The following PLEKHM3 variants were observed in gnomAD, a reference collection of about 807,000 sequenced individuals.
PLEKHM3 encodes pleckstrin homology domain containing M3, also known as pleckstrin homology domain-containing family M member 3.
PLEKHM3 carries 45 observed loss-of-function variants against 81.8 expected under a neutral mutation model. That is an observed-to-expected ratio of 0.55 (90% confidence interval 0.43 to 0.71). The LOEUF (loss-of-function observed/expected upper bound fraction) is 0.71, where lower values mean the gene tolerates loss of function less well. Among genes scored for constraint, PLEKHM3 ranks in the 30% least tolerant of loss-of-function variants. PLEKHM3 has a pLI of 0.00. For synonymous variants in PLEKHM3, 352 were observed against 356.4 expected (o/e 0.99, Z 0.14); for missense variants, 788 against 924.3 (o/e 0.85, Z 1.91).
intron 4 of PLEKHM3, among the ~76,000 whole-genome samples, chr2:207,935,172 G>A (rs890903394): frequency 1.3e-5 from 2 of 152,126 alleles, no homozygotes; most frequent in Non-Finnish European, 2.9e-5. Flanking sequence ...AAAAAAAGAC[G>A]TTTTAAGGTC....
intron 7 of PLEKHM3, among the ~76,000 whole-genome samples, chr2:207,841,322 G>A (rs1028284281): frequency 6.6e-5 from 10 of 150,402 alleles, no homozygotes; most frequent in Non-Finnish European, 1.2e-4. Context: ...AAAATCAGCC[G>A]GGCTTGGTGA....
intron 5 of PLEKHM3, among the ~76,000 whole-genome samples, chr2:207,922,020 A>C (rs1689198847): frequency 6.6e-6 from 1 of 152,350 alleles, no homozygotes; most frequent in East Asian, 1.9e-4. Context: ...TTGCTGGATC[A>C]TATGGTAGCT....
At chr2:207,860,149 C>CTGTGTGTGTGTGTG (rs1491556619) in intron 7 of PLEKHM3, among the ~76,000 whole-genome samples, 28 of 63,822 alleles carry the variant, frequency 4.4e-4, no homozygotes, top group East Asian at 2.2e-3. Context: ...TGAACTCTGC[C>CTGTGTGTGTGTGTG]TCTGTGTGTG....
At chr2:207,984,798 T>C (rs1691661559) in intron 2 of PLEKHM3, among the ~76,000 whole-genome samples, 1 of 152,214 alleles carries the variant, frequency 6.6e-6, no homozygotes, top group Non-Finnish European at 1.5e-5. Context: ...TTTCATGCCA[T>C]GTATTTCTTG....
At chr2:207,893,837 C>T (rs530083890) in intron 6 of PLEKHM3, among the ~76,000 whole-genome samples, 1 of 152,114 alleles carries the variant, frequency 6.6e-6, no homozygotes, top group Non-Finnish European at 1.5e-5. Flanking sequence ...AAAGCAAGGC[C>T]AGGTGCAGTG....
intron 5 of PLEKHM3, among the ~76,000 whole-genome samples, chr2:207,911,812 T>C (rs373271109): frequency 2.0e-5 from 3 of 152,152 alleles, no homozygotes; most frequent in African/African-American, 4.8e-5. Context: ...TGTAGAAACA[T>C]AGGTCAGCTG....
chr2:207,853,053 C>T (rs1441402033), intron 7 of PLEKHM3, among the ~76,000 whole-genome samples: 1 of 152,132 alleles, frequency 6.6e-6, no homozygotes, highest in African/African-American at 2.4e-5. Flanking sequence ...CCCTAATAAA[C>T]TCAACTATTT....
At position 207,931,089 on chromosome 2, in the gene PLEKHM3, A is replaced by T; in HGVS notation, c.1723T>A (p.Tyr575Asn). Residue 575 changes from tyrosine to asparagine, a missense_variant, in exon 5 of 8, where the codon TAC becomes AAC. Physicochemically the swap from Tyr to Asn is moderately radical, Grantham distance 143 (BLOSUM62 -2). Transcript: ENST00000427836. ...VSKQAKEFLE[Y>N]VYEEPLIDIQ... ...TCGATGAGCGGCTCTTCGTACACGTACTCCAGAAACTCCTTGGCCTGCTTC... is the reference window on the plus strand; with the variant it reads ...TCGATGAGCGGCTCTTCGTACACGTTCTCCAGAAACTCCTTGGCCTGCTTC... 1 of 1,613,220 alleles carries T rather than the reference A, an allele frequency of 6.2e-7. No individual in the cohort carries two copies. The highest frequency in any genetic ancestry group is 8.5e-7 in the Non-Finnish European group (1 of 1,179,460).
At chr2:207,880,711 C>T (rs1427841193) in intron 6 of PLEKHM3, among the ~76,000 whole-genome samples, 8 of 118,314 alleles carry the variant, frequency 6.8e-5, no homozygotes, top group East Asian at 2.8e-4. Context: ...TGCAGTGAGC[C>T]GAGATCGTGC....
At chr2:207,910,032 C>G (rs1336503623) in intron 5 of PLEKHM3, among the ~76,000 whole-genome samples, 1 of 152,136 alleles carries the variant, frequency 6.6e-6, no homozygotes, top group African/African-American at 2.4e-5. Context: ...AGGACCTCTC[C>G]CGGAAAGTAG....
intron 3 of PLEKHM3, among the ~76,000 whole-genome samples, chr2:207,957,634 G>A (rs996264059): frequency 6.6e-6 from 1 of 152,126 alleles, no homozygotes; most frequent in Non-Finnish European, 1.5e-5. Context: ...GGAGACGGAG[G>A]TTGCAGTGAG....
intron 3 of PLEKHM3, among the ~76,000 whole-genome samples, chr2:207,952,804 A>T (rs1173842284): frequency 1.3e-5 from 2 of 152,218 alleles, no homozygotes; most frequent in Non-Finnish European, 2.9e-5. Flanking sequence ...TGAAGTTAAC[A>T]TGGTGAAACT....
chr2:207,936,846 A>AGTGTGTGTGTGTGT (rs57642698), intron 4 of PLEKHM3, among the ~76,000 whole-genome samples: 36 of 146,800 alleles, frequency 2.5e-4, no homozygotes, highest in African/African-American at 8.3e-4. Flanking sequence ...TAGATAAATT[A>AGTGTGTGTGTGTGT]GTGTGTGTGT....
chr2:207,957,377 G>C (rs1350210183), intron 3 of PLEKHM3, among the ~76,000 whole-genome samples: 4 of 152,174 alleles, frequency 2.6e-5, no homozygotes, highest in African/African-American at 9.7e-5. Context: ...TTAAATTTAC[G>C]TAAGATGCAG....
intron 5 of PLEKHM3, among the ~76,000 whole-genome samples, chr2:207,912,152 T>C (rs1025810621): frequency 6.6e-6 from 1 of 152,194 alleles, no homozygotes; most frequent in Admixed American, 6.5e-5. Flanking sequence ...AATTTCTCCT[T>C]ACTAGGCAGG....
At chr2:207,833,111 C>CAA (rs71036960) in intron 7 of PLEKHM3, among the ~76,000 whole-genome samples, 102 of 76,442 alleles carry the variant, frequency 1.3e-3, no homozygotes, top group Non-Finnish European at 1.4e-3. Flanking sequence ...GACACCATCT[C>CAA]AAAAAAAAAA....
intron 6 of PLEKHM3, among the ~76,000 whole-genome samples, chr2:207,883,673 A>C (rs1208507317): frequency 6.6e-6 from 1 of 152,214 alleles, no homozygotes; most frequent in Non-Finnish European, 1.5e-5. Flanking sequence ...CACTCAACTA[A>C]CATGGGTCCA....
intron 6 of PLEKHM3, chr2:207,869,962 T>C (rs1275606696): frequency 6.6e-6 from 1 of 152,240 alleles, no homozygotes; most frequent in Non-Finnish European, 1.5e-5. Context: ...ACAGACTTTA[T>C]TTGATTTACT....
intron 6 of PLEKHM3, among the ~76,000 whole-genome samples, chr2:207,906,682 G>A (rs951975720): frequency 6.6e-6 from 1 of 152,112 alleles, no homozygotes; most frequent in Non-Finnish European, 1.5e-5. Context: ...CCAGCTACAC[G>A]GGAGGCTGAG....
Sources: gnomAD v4.1 joint callset for allele counts (sites outside exome capture counted in the v4.1 genomes callset) on GRCh38, gnomAD v4.1.1 for gene constraint, MANE v1.5 for transcripts, NCBI Gene and HGNC (gene_info 2026-07-23, HGNC 2026-07-21) for gene names.